Variants in MED4 observed in about 807,000 individuals in gnomAD.
The protein encoded by MED4 is mediator complex subunit 4, also known as mediator of RNA polymerase II transcription subunit 4.
MED4 carries 21 observed loss-of-function variants against 35.0 expected under a neutral mutation model. The observed-to-expected ratio is 0.60, with a 90% CI of 0.43 to 0.86. MED4 has a LOEUF of 0.86. Ranked by LOEUF, MED4 falls within the 40% of genes least tolerant of loss-of-function variation. The pLI, the probability that MED4 is intolerant of heterozygous loss-of-function variation, is 0.00. For synonymous variants in MED4, 138 were observed against 114.0 expected (o/e 1.21, Z -1.34); for missense variants, 300 against 319.4 (o/e 0.94, Z 0.46).
Position 48,079,966 on chromosome 13 carries a change from C to T in MED4, c.518G>A (p.Arg173Gln), listed in dbSNP as rs1273530353. Reference sequence around the variant, plus strand: ...CTCTAAATCAGTTGGGTAGGGTCTCCGGGGGTCCCCTAAAACAATAAAGAC... The same window carrying T: ...CTCTAAATCAGTTGGGTAGGGTCTCTGGGGGTCCCCTAAAACAATAAAGAC... ...APLTWVPGDP[R>Q]RPYPTDLEMR... Residue 173 changes from arginine (R) to glutamine (Q), a missense_variant, in exon 6 of 7, where the codon CGG (arginine) becomes CAG (glutamine). By Grantham distance (43) the Arg-to-Gln change is conservative. Transcript: ENST00000258648. 2.5e-6 allele frequency: 4 copies of T among 1,613,104 alleles called. No individual in the cohort carries two copies. Among genetic ancestry groups the T allele is most frequent in the East Asian group, 2.2e-5 (1 of 44,844 alleles).
chr13:48,090,200 C>G (rs941613352), intron 2 of MED4, 152 bp downstream of exon 2: 1 of 584,376 alleles, frequency 1.7e-6, no homozygotes, highest in African/African-American at 2.0e-5. Flanking sequence ...AAGAAAATAC[C>G]AATATTAAAG....
rs1406370312 is a variant in MED4 at position 48,092,141 on chromosome 13, CTT to C, written c.126-1725_126-1724del. 3.9e-5 allele frequency among the ~76,000 whole-genome samples: 6 copies of C among 152,178 alleles called. No homozygotes were observed. In the South Asian group the frequency reaches 1.2e-3, roughly 32 times the overall value. ...TTATTTTTTGAGATGGAGTTTTGCT[CTT>C]GTTGCCCAGGCTGGAGTGCAATGGC... On this transcript the variant is annotated intron_variant, in intron 1 of 6. Transcript: ENST00000258648.
chr13:48,089,397 CA>C (rs1950874506), intron 2 of MED4, among the ~76,000 whole-genome samples: 1 of 152,140 alleles, frequency 6.6e-6, no homozygotes, highest in Non-Finnish European at 1.5e-5. Flanking sequence ...TCCTTTACAT[CA>C]TCTTTAGAAA....
chr13:48,078,530 G>A (rs911085062), intron 6 of MED4, among the ~76,000 whole-genome samples: 1 of 152,310 alleles, frequency 6.6e-6, no homozygotes, highest in East Asian at 1.9e-4. Context: ...AGTCTCCCTG[G>A]AACCCCAGTG....
chr13:48,080,725 T>A (rs1950801751), intron 5 of MED4, among the ~76,000 whole-genome samples: 1 of 148,962 alleles, frequency 6.7e-6, no homozygotes, highest in East Asian at 2.0e-4. Flanking sequence ...ATAGAAGGAC[T>A]GTCTCAATTT....
intron 5 of MED4, among the ~76,000 whole-genome samples, chr13:48,080,457 T>TTAA: frequency 6.6e-6 from 1 of 151,648 alleles, no homozygotes; most frequent in East Asian, 1.9e-4. Context: ...TAAATTGTTA[T>TTAA]TAATAGCATA....
chr13:48,087,320 C>T (rs966578034), intron 2 of MED4, among the ~76,000 whole-genome samples: 9 of 151,858 alleles, frequency 5.9e-5, no homozygotes, highest in Admixed American at 2.0e-4. Context: ...GCTGAGATCG[C>T]GCCATTGCAC....
intron 4 of MED4, among the ~76,000 whole-genome samples, chr13:48,083,060 T>A (rs1038656999): frequency 3.3e-5 from 5 of 152,186 alleles, no homozygotes; most frequent in Admixed American, 3.3e-4. Context: ...TTGGTACAAA[T>A]CCCACTTCTA....
chr13:48,094,134 A>C (rs1175200291), intron 1 of MED4, among the ~76,000 whole-genome samples: 1 of 152,226 alleles, frequency 6.6e-6, no homozygotes, highest in East Asian at 1.9e-4. Context: ...GTATCGGCCA[A>C]TATAAAAGGA....
At chr13:48,090,718 A>C (rs566025794) in intron 1 of MED4, among the ~76,000 whole-genome samples, 16 of 152,344 alleles carry the variant, frequency 1.1e-4, no homozygotes, top group African/African-American at 3.8e-4. Flanking sequence ...AGGACCAGGG[A>C]AAAGTCATAA....
chr13:48,078,063 T>C (rs1377827575), intron 6 of MED4, among the ~76,000 whole-genome samples: 2 of 152,052 alleles, frequency 1.3e-5, no homozygotes, highest in East Asian at 3.9e-4. Context: ...CAAAGAGAGG[T>C]TGATTAGCAA....
intron 3 of MED4, among the ~76,000 whole-genome samples, chr13:48,084,415 G>T (rs943067): frequency 0.93 from 141,396 of 152,268 alleles, 65,672 homozygotes; most frequent in East Asian, 1. Flanking sequence ...TAAACTGTTA[G>T]GAAGATGGAA....
chr13:48,082,354 CCA>C (rs1950815093), intron 4 of MED4, among the ~76,000 whole-genome samples: 2 of 151,864 alleles, frequency 1.3e-5, no homozygotes, highest in Non-Finnish European at 2.9e-5. Flanking sequence ...GAAGTGAGAA[CCA>C]CACACTTCAT....
intron 1 of MED4, among the ~76,000 whole-genome samples, chr13:48,092,600 G>C (rs1017688136): frequency 2.6e-5 from 4 of 152,204 alleles, no homozygotes; most frequent in Non-Finnish European, 5.9e-5. Flanking sequence ...TTTTGACGAG[G>C]TTATAGCCTC....
chr13:48,090,355 G>GT lies in MED4; in HGVS notation c.188dup (p.Asn63LysfsTer23). ...AATTTAAAAAGAAGCCACTTACCTGGTTTTCCTCTCCAGCCTGTAACAACT... is the reference window on the plus strand; with the variant it reads ...AATTTAAAAAGAAGCCACTTACCTGGTTTTTCCTCTCCAGCCTGTAACAACT... On this transcript the variant is annotated frameshift_variant, in exon 2 of 7. Coordinates refer to ENST00000258648, the MANE Select transcript of MED4 (RefSeq NM_014166.4). LOFTEE classifies it high-confidence loss of function. 1 of 1,574,130 alleles carries GT rather than the reference G, an allele frequency of 6.4e-7. No individual in the cohort carries two copies. The highest frequency in any genetic ancestry group is 8.6e-7 in the Non-Finnish European group (1 of 1,165,670).
chr13:48,082,124 A>T (rs1256058392), intron 4 of MED4, among the ~76,000 whole-genome samples: 1 of 152,208 alleles, frequency 6.6e-6, no homozygotes, highest in Non-Finnish European at 1.5e-5. Context: ...CTGTTCGATC[A>T]ATATGCCCTA....
chr13:48,084,550 AAC>A (rs1296096476), intron 3 of MED4, among the ~76,000 whole-genome samples: 3 of 152,198 alleles, frequency 2.0e-5, no homozygotes, highest in African/African-American at 7.2e-5. Flanking sequence ...AATTATTTAT[AAC>A]ACAAAGTGGG....
At chr13:48,088,961 A>G (rs1950871136) in intron 2 of MED4, among the ~76,000 whole-genome samples, 1 of 152,242 alleles carries the variant, frequency 6.6e-6, no homozygotes, top group South Asian at 2.1e-4. Context: ...AAAAAGTGCA[A>G]GAAAGATCAG....
intron 2 of MED4, among the ~76,000 whole-genome samples, chr13:48,088,089 G>C (rs1180988331): frequency 2.6e-5 from 4 of 152,128 alleles, no homozygotes; most frequent in African/African-American, 9.7e-5. Context: ...CTATTGTGAG[G>C]ATTCATGATA....
Sources: allele counts gnomAD v4.1 joint callset (sites outside exome capture counted in the v4.1 genomes callset), GRCh38; gene constraint gnomAD v4.1.1; transcripts MANE v1.5; gene names NCBI Gene and HGNC (gene_info 2026-07-23, HGNC 2026-07-21).